KIF20B: variants seen among roughly 807,000 people sequenced by gnomAD.
The protein encoded by KIF20B is kinesin family member 20B.
Under a neutral mutation model 232.5 loss-of-function variants are expected in KIF20B, and 188 were observed. The observed-to-expected ratio is 0.81, with a 90% CI of 0.72 to 0.91. The LOEUF (loss-of-function observed/expected upper bound fraction) is 0.91. KIF20B is among the 40% of genes least tolerant of loss of function. KIF20B has a pLI of 0.00. For synonymous variants in KIF20B, 712 were observed against 683.0 expected (o/e 1.04, Z -0.66); for missense variants, 2,154 against 2,055.9 (o/e 1.05, Z -0.92).
At chr10:89,753,428 G>A (rs529966184) in intron 25 of KIF20B, among the ~76,000 whole-genome samples, 1 of 151,996 alleles carries the variant, frequency 6.6e-6, no homozygotes, top group Admixed American at 6.5e-5. Context: ...CCTTTTCATT[G>A]TGAAATTCCA....
rs770872298 is a variant in KIF20B at position 89,723,999 on chromosome 10, A to G, written c.1758A>G (p.Lys586=). 6.3e-7 allele frequency: 1 copy of G among 1,579,572 alleles called. No individual in the cohort carries two copies. Among genetic ancestry groups the G allele is most frequent in the African/African-American group, 1.4e-5 (1 of 72,608 alleles). ...ACTTAATAGAAGACTTGAAAAAAAAACTGATAAATGAAAAAAAGGAAAAAT... is the reference window on the plus strand; with the variant it reads ...ACTTAATAGAAGACTTGAAAAAAAAGCTGATAAATGAAAAAAAGGAAAAAT... ...LLDLIEDLKK[K]LINEKKEKLT... is the part of the protein sequence containing the mutation. The change falls in exon 14 of 33, where the codon AAA becomes AAG. Residue 586 remains lysine, a synonymous_variant. Coordinates refer to ENST00000371728, the MANE Select transcript of KIF20B (RefSeq NM_001284259.2).
At position 89,745,919 on chromosome 10, in the gene KIF20B, A is replaced by C; in HGVS notation, c.4056A>C (p.Lys1352Asn). Residue 1352 changes from lysine to asparagine, a missense_variant, in exon 23 of 33, where the codon AAA becomes AAC. Coordinates refer to ENST00000371728, the MANE Select transcript of KIF20B (RefSeq NM_001284259.2). ...QQLKEQLNNQ[K>N]VEEAIQQYER... Reference sequence around the variant, plus strand: ...TGTAGGAGCAGTTAAATAATCAGAAAGTGGAAGAAGCTATACAACAGTATG... The same window carrying C: ...TGTAGGAGCAGTTAAATAATCAGAACGTGGAAGAAGCTATACAACAGTATG... 1.2e-6 allele frequency: 2 copies of C among 1,609,016 alleles called. No homozygotes were observed. Among genetic ancestry groups the C allele is most frequent in the South Asian group, 2.2e-5 (2 of 90,990 alleles).
At position 89,738,593 on chromosome 10, in the gene KIF20B, AAACC is replaced by A. The variant is rs1378168055; in HGVS notation, c.3756_3759del (p.Asn1253GlyfsTer7). On this transcript the variant is annotated frameshift_variant, in exon 20 of 33. Transcript: ENST00000371728. LOFTEE classifies it high-confidence loss of function. ...CTTCAATTAAAAGAAGAAGAAGAAG[AAACC>A]AACAGGCAAGAAACAGAAAAGTAAG... 1 of 1,554,196 alleles carries A rather than the reference AAACC, an allele frequency of 6.4e-7. No homozygotes were observed. The highest frequency in any genetic ancestry group is 8.7e-7 in the Non-Finnish European group (1 of 1,154,250).
At chr10:89,757,455 TGAGTAG>T (rs1842153715) in intron 26 of KIF20B, among the ~76,000 whole-genome samples, 1 of 152,020 alleles carries the variant, frequency 6.6e-6, no homozygotes, top group South Asian at 2.1e-4. Context: ...TGCCTTTTTA[TGAGTAG>T]GAGTTCTCAT....
At chr10:89,764,473 T>C (rs184048173) in intron 29 of KIF20B, among the ~76,000 whole-genome samples, 164 of 152,314 alleles carry the variant, frequency 1.1e-3, no homozygotes, top group Non-Finnish European at 1.6e-3. Flanking sequence ...ATCGCCACAC[T>C]GACTTCCACG....
chr10:89,751,827 G>T (rs1258705946), intron 24 of KIF20B, among the ~76,000 whole-genome samples: 1 of 151,878 alleles, frequency 6.6e-6, no homozygotes, highest in African/African-American at 2.4e-5. Flanking sequence ...TAAATACTTT[G>T]ATTTCATTGC....
At chr10:89,756,294 A>G (rs181159596) in intron 26 of KIF20B, among the ~76,000 whole-genome samples, 3 of 152,198 alleles carry the variant, frequency 2.0e-5, no homozygotes, top group Admixed American at 6.5e-5. Flanking sequence ...CTGTATACCT[A>G]TCACCCAACC....
intron 22 of KIF20B, among the ~76,000 whole-genome samples, chr10:89,744,917 G>A (rs1439680964): frequency 6.6e-6 from 1 of 152,146 alleles, no homozygotes; most frequent in South Asian, 2.1e-4. Context: ...TGAGATTGGG[G>A]GTGAAGTTTG....
At position 89,748,357 on chromosome 10, in the gene KIF20B, A is replaced by C. The variant is rs756034195; in HGVS notation, c.4096+2398A>C. On this transcript the variant is annotated intron_variant, in intron 23 of 32. Transcript: ENST00000371728. ...TACATATTTCTGTTTTTAAAATGAT[A>C]CAGACTCCTCTCCTCCTCATTACCC... Among the ~76,000 whole-genome samples, 4 of 152,176 alleles carry C rather than the reference A, an allele frequency of 2.6e-5. 1 individual carries two copies. The highest frequency in any genetic ancestry group is 2.6e-4 in the Admixed American group (4 of 15,274).
At chr10:89,740,208 C>T (rs1288374307) in intron 21 of KIF20B, among the ~76,000 whole-genome samples, 3 of 140,370 alleles carry the variant, frequency 2.1e-5, no homozygotes, top group Non-Finnish European at 4.6e-5. Context: ...CTGTTGAAGT[C>T]ATTTGTTCAT....
At chr10:89,712,520 G>T (rs768289336) in intron 6 of KIF20B, among the ~76,000 whole-genome samples, 33 of 152,084 alleles carry the variant, frequency 2.2e-4, no homozygotes, top group Non-Finnish European at 2.2e-4. Flanking sequence ...CTTCCAAAGT[G>T]TTGAGATTAC....
In KIF20B at chr10:89,762,722, C is replaced by G. The variant is rs1842270078; in HGVS notation, c.4876C>G (p.Gln1626Glu). Residue 1626 changes from glutamine (Q) to glutamate (E), a missense_variant, in exon 29 of 33, where the codon CAA (glutamine) becomes GAA (glutamate). Gln to Glu is a conservative substitution (Grantham distance 29). Coordinates refer to ENST00000371728, the MANE Select transcript of KIF20B (RefSeq NM_001284259.2). ...TRFPKPELEI[Q>E]FTPLQPNKMA... is the part of the protein sequence containing the mutation. ...ATTTCCAAAACCTGAGTTAGAGATTCAATTTACACCTTTACAGCCAAACAA... is the reference window on the plus strand; with the variant it reads ...ATTTCCAAAACCTGAGTTAGAGATTGAATTTACACCTTTACAGCCAAACAA... 3 of 1,613,348 alleles carry G rather than the reference C, an allele frequency of 1.9e-6. No homozygotes were observed. Among genetic ancestry groups the G allele is most frequent in the Non-Finnish European group, 8.5e-7 (1 of 1,179,644 alleles).
chr10:89,727,332 C>T (rs960548763), intron 16 of KIF20B, among the ~76,000 whole-genome samples: 5 of 151,070 alleles, frequency 3.3e-5, no homozygotes, highest in African/African-American at 1.2e-4. Flanking sequence ...TGGCTCACTG[C>T]AGTTTTCCAC....
chr10:89,712,891 T>A (rs2133088635), intron 6 of KIF20B, among the ~76,000 whole-genome samples: 1 of 152,314 alleles, frequency 6.6e-6, no homozygotes, highest in South Asian at 2.1e-4. Context: ...TTTTCTTTTT[T>A]AAAACATTTA....
chr10:89,759,721 G>A (rs1488001697), intron 27 of KIF20B, among the ~76,000 whole-genome samples: 1 of 152,102 alleles, frequency 6.6e-6, no homozygotes, highest in Admixed American at 6.6e-5. Flanking sequence ...ACAGAGTTGT[G>A]AAATTAATGA....
intron 16 of KIF20B, among the ~76,000 whole-genome samples, chr10:89,727,039 A>G (rs7902655): frequency 0.31 from 46,767 of 151,228 alleles, 8,128 homozygotes; most frequent in African/African-American, 0.46. Context: ...TTGAACTCCT[A>G]GGCTCAAGTG....
intron 31 of KIF20B, 66 bp downstream of exon 31, chr10:89,768,954 G>A (rs769806717): frequency 2.3e-5 from 30 of 1,306,398 alleles, no homozygotes; most frequent in Non-Finnish European, 3.1e-5. Flanking sequence ...ATACCTAATT[G>A]ATATATAAAC....
intron 16 of KIF20B, among the ~76,000 whole-genome samples, chr10:89,727,257 C>A (rs1314785844): frequency 4.0e-5 from 6 of 150,948 alleles, no homozygotes; most frequent in African/African-American, 7.3e-5. Flanking sequence ...GTCTTCCCCC[C>A]CCCTTTTTTT....
intron 2 of KIF20B, among the ~76,000 whole-genome samples, chr10:89,708,762 AG>A (rs1433619808): frequency 6.6e-6 from 1 of 152,230 alleles, no homozygotes; most frequent in Non-Finnish European, 1.5e-5. Flanking sequence ...CCTCAGAAAA[AG>A]TAACAAGGAG....
Sources: allele counts gnomAD v4.1 joint callset (sites outside exome capture counted in the v4.1 genomes callset), GRCh38; gene constraint gnomAD v4.1.1; transcripts MANE v1.5; gene names NCBI Gene and HGNC (gene_info 2026-07-23, HGNC 2026-07-21).